CNNM2: variants seen among roughly 807,000 people sequenced by gnomAD.
CNNM2 encodes metal transporter CNNM2.
In CNNM2, 12 loss-of-function variants were observed where a neutral mutation model predicts 66.9. That is an observed-to-expected ratio of 0.18 (90% CI 0.11 to 0.29). CNNM2 has a LOEUF of 0.29. Among genes scored for constraint, CNNM2 ranks in the 10% least tolerant of loss-of-function variants. CNNM2 has a pLI of 1.00. For synonymous variants in CNNM2, 557 were observed against 501.8 expected, an observed-to-expected ratio of 1.11 and a Z score of -1.47; for missense variants, 705 against 1,167.7, an observed-to-expected ratio of 0.60 and a Z score of 5.77.
chr10:102,959,964 A>C (rs1004348084), intron 1 of CNNM2, among the ~76,000 whole-genome samples: 3 of 152,044 alleles, frequency 2.0e-5, no homozygotes, highest in East Asian at 1.9e-4. Flanking sequence ...AGGCAGGAAA[A>C]TGGTGTGAAC....
chr10:103,042,071 C>T (rs1394892229), intron 1 of CNNM2, among the ~76,000 whole-genome samples: 1 of 152,218 alleles, frequency 6.6e-6, no homozygotes, highest in Non-Finnish European at 1.5e-5. Flanking sequence ...TGACTTCTGC[C>T]TTCTAGACTG....
chr10:102,949,713 C>A (rs1846756126), intron 1 of CNNM2, among the ~76,000 whole-genome samples: 1 of 152,016 alleles, frequency 6.6e-6, no homozygotes. Flanking sequence ...GTGCTTGAAT[C>A]TGGAGGGCGG....
intron 1 of CNNM2, among the ~76,000 whole-genome samples, chr10:102,972,357 C>T (rs562158343): frequency 1.3e-5 from 2 of 152,132 alleles, no homozygotes; most frequent in African/African-American, 4.8e-5. Context: ...AGCTTCCTGG[C>T]CAGGCACGGT....
At chr10:103,062,284 A>G (rs921734176) in intron 4 of CNNM2, among the ~76,000 whole-genome samples, 4 of 152,188 alleles carry the variant, frequency 2.6e-5, no homozygotes, top group African/African-American at 4.8e-5. Context: ...GGCAGGTGGC[A>G]TCTTAAAATT....
chr10:103,019,334 G>A (rs1467415770), intron 1 of CNNM2, among the ~76,000 whole-genome samples: 3 of 151,742 alleles, frequency 2.0e-5, no homozygotes, highest in Non-Finnish European at 4.4e-5. Context: ...ATTGTATTTA[G>A]CAAAATGAGA....
At chr10:102,955,501 A>G (rs530685295) in intron 1 of CNNM2, among the ~76,000 whole-genome samples, 37 of 152,334 alleles carry the variant, frequency 2.4e-4, no homozygotes, top group South Asian at 1.9e-3. Context: ...AAGCAATGGC[A>G]ACAAAAGCCA....
intron 1 of CNNM2, among the ~76,000 whole-genome samples, chr10:102,948,653 G>T (rs555329756): frequency 1.3e-5 from 2 of 152,162 alleles, no homozygotes; most frequent in African/African-American, 2.4e-5. Flanking sequence ...AGTATTGGGG[G>T]TACATGAGCA....
intron 1 of CNNM2, among the ~76,000 whole-genome samples, chr10:102,933,191 AG>A (rs1161326062): frequency 6.6e-6 from 1 of 152,184 alleles, no homozygotes; most frequent in Admixed American, 6.5e-5. Context: ...GAATTTACAT[AG>A]GGGCATTGCA....
At chr10:103,042,417 CTGTTA>C (rs1250078094) in intron 1 of CNNM2, among the ~76,000 whole-genome samples, 1 of 152,182 alleles carries the variant, frequency 6.6e-6, no homozygotes, top group Non-Finnish European at 1.5e-5. Flanking sequence ...CCCGCCCCTA[CTGTTA>C]TGTTCTCCAC....
At chr10:102,931,846 T>TAA (rs774895232) in intron 1 of CNNM2, among the ~76,000 whole-genome samples, 112 of 128,074 alleles carry the variant, frequency 8.7e-4, no homozygotes, top group African/African-American at 2.9e-3. Flanking sequence ...TTGTTATTGT[T>TAA]AAAAAAAAAA....
chr10:103,088,282 G>A lies in CNNM2; in HGVS notation c.*11102G>A, dbSNP rs1365802232. ...TCTATAACCACTGTTTGTTTAAAAT[G>A]TTGAAACAACTTTCACTGTACTGGT... On this transcript the variant is annotated 3_prime_UTR_variant, in exon 8 of 8. Coordinates refer to ENST00000369878, the MANE Select transcript of CNNM2 (RefSeq NM_017649.5). The A allele has an allele frequency of 1.3e-5, 2 of 152,338 alleles. No homozygotes were observed. The highest frequency in any genetic ancestry group is 1.5e-5 in the Non-Finnish European group (1 of 68,018). The allele number at this position is 152,338 out of a possible 1,614,324, so 9.4% of individuals were successfully genotyped here.
In CNNM2 at chr10:103,081,036, C is replaced by T. The variant is rs1030698104; in HGVS notation, c.*3856C>T. The T allele has an allele frequency of 2.0e-5, 3 of 152,176 alleles. No individual in the cohort carries two copies. The highest frequency in any genetic ancestry group is 7.2e-5 in the African/African-American group (3 of 41,436). 9.4% of individuals were successfully genotyped at this position (152,176 alleles called of 1,614,324 possible). On this transcript the variant is annotated 3_prime_UTR_variant, in exon 8 of 8. Coordinates refer to ENST00000369878, the MANE Select transcript of CNNM2 (RefSeq NM_017649.5). ...GCAACCAGAGTTGCCCCTGTGGTTC[C>T]CCAGGGGTGATCCTAGGCAGATGAC...
chr10:102,991,050 G>A (rs1356004087), intron 1 of CNNM2, among the ~76,000 whole-genome samples: 7 of 152,030 alleles, frequency 4.6e-5, no homozygotes, highest in African/African-American at 7.2e-5. Context: ...GCGGTGGTGC[G>A]ATCTCGGCAC....
At chr10:103,061,772 C>T (rs920233828) in intron 4 of CNNM2, among the ~76,000 whole-genome samples, 4 of 152,104 alleles carry the variant, frequency 2.6e-5, no homozygotes, top group Non-Finnish European at 5.9e-5. Flanking sequence ...GGGTTACTGA[C>T]TTGTGGCTGT....
chr10:102,981,141 A>G (rs2063712963), intron 1 of CNNM2, among the ~76,000 whole-genome samples: 1 of 151,974 alleles, frequency 6.6e-6, no homozygotes, highest in African/African-American at 2.4e-5. Flanking sequence ...TGAGTCCAGG[A>G]CTTCAGACCA....
At chr10:102,970,765 G>A (rs928301432) in intron 1 of CNNM2, among the ~76,000 whole-genome samples, 3 of 152,130 alleles carry the variant, frequency 2.0e-5, no homozygotes, top group Non-Finnish European at 4.4e-5. Flanking sequence ...CAGTTCTTGT[G>A]TTGGTTCTCC....
intron 1 of CNNM2, among the ~76,000 whole-genome samples, chr10:102,930,132 T>C (rs1472303616): frequency 1.3e-5 from 2 of 152,152 alleles, no homozygotes; most frequent in Non-Finnish European, 2.9e-5. Context: ...AGTAAATATC[T>C]AACACTTCAA....
chr10:102,956,762 T>C (rs1033123404), intron 1 of CNNM2, among the ~76,000 whole-genome samples: 3 of 152,004 alleles, frequency 2.0e-5, no homozygotes, highest in African/African-American at 7.3e-5. Flanking sequence ...TAGGTGGGAA[T>C]TGAACAATGA....
At chr10:103,002,483 T>TC (rs2064140058) in intron 1 of CNNM2, among the ~76,000 whole-genome samples, 1 of 151,008 alleles carries the variant, frequency 6.6e-6, no homozygotes, top group African/African-American at 2.4e-5. Flanking sequence ...TGGAATCTTT[T>TC]TTTTTTTTTT....
Sources: gnomAD v4.1 joint callset for allele counts (sites outside exome capture counted in the v4.1 genomes callset) on GRCh38, gnomAD v4.1.1 for gene constraint, MANE v1.5 for transcripts, NCBI Gene and HGNC (gene_info 2026-07-23, HGNC 2026-07-21) for gene names.